Variants in ENPP2 observed in about 807,000 individuals in gnomAD.
ENPP2 encodes the protein autotaxin.
Under a neutral mutation model 120.2 loss-of-function variants are expected in ENPP2, and 51 were observed. That is an observed-to-expected ratio of 0.42 (90% CI 0.34 to 0.54). The LOEUF is 0.54. ENPP2 is among the 20% of genes least tolerant of loss of function. ENPP2 has a pLI of 0.04. For synonymous variants in ENPP2, 365 were observed against 366.4 expected (o/e 1.00, Z 0.04); for missense variants, 920 against 1,066.5 (o/e 0.86, Z 1.91).
intron 11 of ENPP2, among the ~76,000 whole-genome samples, chr8:119,599,351 C>T (rs1195662549): frequency 6.6e-6 from 1 of 152,106 alleles, no homozygotes. Context: ...TGGTCACATG[C>T]TGCAAGTATT....
At chr8:119,572,145 C>T in intron 19 of ENPP2, 1 of 1,419,904 alleles carries the variant, frequency 7.0e-7, no homozygotes. Flanking sequence ...AGTAAAACAA[C>T]CCAGACTTTC....
chr8:119,623,293 G>T (rs535638878), intron 3 of ENPP2, among the ~76,000 whole-genome samples: 1 of 151,878 alleles, frequency 6.6e-6, no homozygotes, highest in African/African-American at 2.4e-5. Flanking sequence ...GTGAAACCCC[G>T]TCTCTACTAA....
intron 4 of ENPP2, among the ~76,000 whole-genome samples, chr8:119,620,601 A>G (rs902411060): frequency 2.0e-5 from 3 of 152,374 alleles, no homozygotes; most frequent in Non-Finnish European, 4.4e-5. Context: ...CTTACAAACA[A>G]TAGATAAAGA....
intron 1 of ENPP2, among the ~76,000 whole-genome samples, chr8:119,650,864 C>T (rs749894291): frequency 6.6e-6 from 1 of 152,044 alleles, no homozygotes; most frequent in Non-Finnish European, 1.5e-5. Context: ...TTCTTGCGTA[C>T]ACATCTCAAG....
chr8:119,602,286 C>T (rs752410673), intron 9 of ENPP2, among the ~76,000 whole-genome samples: 4 of 151,914 alleles, frequency 2.6e-5, no homozygotes, highest in African/African-American at 4.8e-5. Flanking sequence ...GGCAAAACCC[C>T]GTCACTACTA....
At chr8:119,606,047 G>C (rs559015219) in intron 9 of ENPP2, among the ~76,000 whole-genome samples, 1 of 152,304 alleles carries the variant, frequency 6.6e-6, no homozygotes, top group South Asian at 2.1e-4. Flanking sequence ...CAAAGTCTAA[G>C]TCTATGGTTT....
At chr8:119,628,586 A>G (rs1231967840) in intron 2 of ENPP2, among the ~76,000 whole-genome samples, 1 of 152,188 alleles carries the variant, frequency 6.6e-6, no homozygotes, top group Non-Finnish European at 1.5e-5. Context: ...CACACTCCTT[A>G]AAAAGAATGA....
chr8:119,573,408 T>TAA (rs35227070), intron 19 of ENPP2, among the ~76,000 whole-genome samples: 17,717 of 124,252 alleles, frequency 0.14, 1,525 homozygotes, highest in African/African-American at 0.22. Flanking sequence ...CTCCGTCTCT[T>TAA]AAAAAAAAAA....
At chr8:119,604,283 C>T (rs1814535740) in intron 9 of ENPP2, among the ~76,000 whole-genome samples, 1 of 152,126 alleles carries the variant, frequency 6.6e-6, no homozygotes, top group African/African-American at 2.4e-5. Flanking sequence ...CCGCTTCAGC[C>T]TCCCAAAGTG....
chr8:119,603,408 C>G (rs1814455206), intron 9 of ENPP2, among the ~76,000 whole-genome samples: 1 of 152,112 alleles, frequency 6.6e-6, no homozygotes. Flanking sequence ...ATGCTCACCC[C>G]TGAATGCCCT....
Position 119,621,304 on chromosome 8 carries a change from A to C in ENPP2, c.418+90T>G, listed in dbSNP as rs538985367. On this transcript the variant is annotated intron_variant, in intron 4 of 24. Transcript: ENST00000075322. ...ATTCCTTCCTCCCAAACTCATATCC[A>C]GTGTGGTCTATTCCTAGCATCCAGG... 8.9e-4 allele frequency: 989 copies of C among 1,112,064 alleles called. 4 individuals carry two copies. The highest frequency in any genetic ancestry group is 7.2e-3 in the Middle Eastern group (33 of 4,576). 68.9% of individuals were successfully genotyped at this position (1,112,064 alleles called of 1,614,324 possible).
intron 1 of ENPP2, among the ~76,000 whole-genome samples, chr8:119,661,131 A>G (rs1418112529): frequency 2.0e-5 from 3 of 152,044 alleles, no homozygotes; most frequent in Non-Finnish European, 2.9e-5. Context: ...ATACATGGAC[A>G]CAGGGAGGGG....
chr8:119,586,459 G>A, intron 14 of ENPP2, 146 bp from the exon 15 acceptor site: 1 of 676,016 alleles, frequency 1.5e-6, no homozygotes, highest in Non-Finnish European at 2.5e-6. Context: ...ATTAAATAAT[G>A]TATGCTGAAA....
exon 1 of ENPP2, chr8:119,673,319 G>A: frequency 6.5e-7 from 1 of 1,533,458 alleles, no homozygotes; most frequent in Non-Finnish European, 8.7e-7. Context: ...CTGCGGACGC[G>A]GCCTGGGCTG....
Position 119,587,111 on chromosome 8 carries a change from A to G in ENPP2, c.1208-36T>C, listed in dbSNP as rs1813168483. ...AGAGGAGAAAGATTTCAAAAGAAAT[A>G]ACAACCATTACCAAGAGAAATCATT... is the stretch of plus-strand genomic sequence containing the variant. On this transcript the variant is annotated intron_variant, in intron 13 of 24. Coordinates refer to ENST00000075322, the MANE Select transcript of ENPP2 (RefSeq NM_001040092.3). 3 of 1,555,706 alleles carry G rather than the reference A, an allele frequency of 1.9e-6. No homozygotes were observed. The East Asian group carries it at 6.8e-5, about 35-fold the overall frequency.
intron 11 of ENPP2, among the ~76,000 whole-genome samples, chr8:119,596,898 A>G (rs1813933511): frequency 6.6e-6 from 1 of 152,088 alleles, no homozygotes; most frequent in African/African-American, 2.4e-5. Flanking sequence ...GGGATTTCCA[A>G]ATGCTGGAGG....
chr8:119,655,088 C>T (rs971443262), intron 1 of ENPP2, among the ~76,000 whole-genome samples: 3 of 152,044 alleles, frequency 2.0e-5, no homozygotes, highest in Non-Finnish European at 2.9e-5. Context: ...TAATGTATGC[C>T]AAATACACAG....
At chr8:119,642,994 T>A (rs1467422783), upstream of ENPP2, among the ~76,000 whole-genome samples, 3 of 152,182 alleles carry the variant, frequency 2.0e-5, no homozygotes, top group African/African-American at 7.2e-5. Context: ...AGAACTGACA[T>A]CACTAGATTT....
In ENPP2 at chr8:119,601,325, G is replaced by C. The variant is rs145766537; in HGVS notation, c.899+72C>G. ...ACATTGGCTGTGCTTCTATTCCACAGTCTAGTGTTTCACGCAATTCTAAAC... is the reference window on the plus strand; with the variant it reads ...ACATTGGCTGTGCTTCTATTCCACACTCTAGTGTTTCACGCAATTCTAAAC... On this transcript the variant is annotated intron_variant, in intron 10 of 24. Coordinates refer to ENST00000075322, the MANE Select transcript of ENPP2 (RefSeq NM_001040092.3). 10,417 of 1,052,454 alleles carry C rather than the reference G, an allele frequency of 9.9e-3. 111 individuals carry two copies. Among genetic ancestry groups the C allele is most frequent in the Middle Eastern group, 0.035 (172 of 4,886 alleles). The allele number at this position is 1,052,454 out of a possible 1,614,324, so 65.2% of individuals were successfully genotyped here.
Sources: gnomAD v4.1 joint callset for allele counts (sites outside exome capture counted in the v4.1 genomes callset) on GRCh38, gnomAD v4.1.1 for gene constraint, MANE v1.5 for transcripts, NCBI Gene and HGNC (gene_info 2026-07-23, HGNC 2026-07-21) for gene names.